The following FRAS1 variants were observed in gnomAD, a reference collection of about 807,000 sequenced individuals.
FRAS1 encodes the protein Fraser extracellular matrix complex subunit 1.
In FRAS1, 290 loss-of-function variants were observed where a neutral mutation model predicts 435.2. That is an observed-to-expected ratio of 0.67 (90% confidence interval 0.61 to 0.73). The LOEUF (loss-of-function observed/expected upper bound fraction) is 0.73. Ranked by LOEUF, FRAS1 falls within the 30% of genes least tolerant of loss-of-function variation. FRAS1 has a pLI of 0.00. For synonymous variants in FRAS1, 1,800 were observed against 1,851.0 expected (o/e 0.97, Z 0.71); for missense variants, 4,860 against 5,001.5 (o/e 0.97, Z 0.85).
chr4:78,263,340 G>C (rs1726203933), intron 6 of FRAS1, among the ~76,000 whole-genome samples: 1 of 152,058 alleles, frequency 6.6e-6, no homozygotes, highest in Non-Finnish European at 1.5e-5. Context: ...ATTCTGTTTT[G>C]ATCAATACAA....
chr4:78,512,158 A>G (rs1414000173), intron 64 of FRAS1, among the ~76,000 whole-genome samples: 2 of 152,172 alleles, frequency 1.3e-5, no homozygotes, highest in Non-Finnish European at 2.9e-5. Flanking sequence ...GGCCACCATG[A>G]TGGGAAATGG....
At chr4:78,183,790 G>A (rs1482874076) in intron 2 of FRAS1, among the ~76,000 whole-genome samples, 2 of 138,366 alleles carry the variant, frequency 1.4e-5, no homozygotes, top group African/African-American at 5.2e-5. Context: ...ATATATTATA[G>A]CCATACAGAG....
intron 20 of FRAS1, among the ~76,000 whole-genome samples, chr4:78,346,942 C>T (rs1730625498): frequency 1.3e-5 from 2 of 152,164 alleles, no homozygotes; most frequent in South Asian, 2.1e-4. Flanking sequence ...ATCTTCTTTC[C>T]TCCAGGGCCC....
chr4:78,145,995 A>G (rs763359864), intron 2 of FRAS1, among the ~76,000 whole-genome samples: 1 of 152,168 alleles, frequency 6.6e-6, no homozygotes, highest in Admixed American at 6.6e-5. Flanking sequence ...CTCCCCAGCC[A>G]TGCAGAACTG....
At chr4:78,171,986 A>G (rs1482295782) in intron 2 of FRAS1, among the ~76,000 whole-genome samples, 1 of 152,088 alleles carries the variant, frequency 6.6e-6, no homozygotes, top group African/African-American at 2.4e-5. Flanking sequence ...TTCTCAAGTC[A>G]AGAATAGCTT....
Position 78,057,557 on chromosome 4 carries a change from A to C in FRAS1, c.-453A>C, listed in dbSNP as rs981819892. The C allele has an allele frequency of 1.3e-5, 2 of 159,064 alleles. No homozygotes were observed. The highest frequency in any genetic ancestry group is 2.4e-5 in the African/African-American group (1 of 41,698). The allele number at this position is 159,064 out of a possible 1,614,324, so 9.9% of individuals were successfully genotyped here. A position where few individuals can be genotyped will look rare whatever the true frequency, so the allele number is the denominator to read the frequency against. ...CGCGGTGCCGACGCAACGCCGACGT[A>C]TGGTGCCAAGCGAACTTTAAAAAGC... On this transcript the variant is annotated 5_prime_UTR_variant, in exon 1 of 74. The change abolishes an upstream ATG in the 5' untranslated region. Coordinates refer to ENST00000512123, the MANE Select transcript of FRAS1 (RefSeq NM_025074.7). The surrounding 1 kb of genome is among the most constrained non-coding windows in gnomAD (Gnocchi z 4.2).
In FRAS1 at chr4:78,057,803, C is replaced by A; in HGVS notation, c.-207C>A. On this transcript the variant is annotated 5_prime_UTR_variant, in exon 1 of 74. Transcript: ENST00000512123. The surrounding 1 kb of genome is among the most constrained non-coding windows in gnomAD (Gnocchi z 4.2). Reference sequence around the variant, plus strand: ...CTCGGCGCGCTCTCTGCCTGAGCAGCGAGTGAATTGAACCCCAGCCCGCTC... The same window carrying A: ...CTCGGCGCGCTCTCTGCCTGAGCAGAGAGTGAATTGAACCCCAGCCCGCTC... 1.8e-6 allele frequency: 1 copy of A among 562,140 alleles called. No individual in the cohort carries two copies. Among genetic ancestry groups the A allele is most frequent in the Non-Finnish European group, 3.2e-6 (1 of 316,598 alleles). The allele number at this position is 562,140 out of a possible 1,614,324, so 34.8% of individuals were successfully genotyped here. A position where few individuals can be genotyped will look rare whatever the true frequency, so the allele number is the denominator to read the frequency against.
At chr4:78,394,632 A>C (rs1012512719) in intron 29 of FRAS1, among the ~76,000 whole-genome samples, 1 of 152,018 alleles carries the variant, frequency 6.6e-6, no homozygotes, top group Non-Finnish European at 1.5e-5. Flanking sequence ...ATTTGGAATT[A>C]GAAAGTGTGA....
intron 2 of FRAS1, among the ~76,000 whole-genome samples, chr4:78,092,450 G>A (rs747158184): frequency 1.3e-5 from 2 of 152,218 alleles, no homozygotes; most frequent in Non-Finnish European, 1.5e-5. Flanking sequence ...GTGGATGGCA[G>A]TAGGCAAAGA....
intron 31 of FRAS1, among the ~76,000 whole-genome samples, chr4:78,410,412 AAAAT>A (rs1420585237): frequency 8.0e-5 from 12 of 150,586 alleles, no homozygotes; most frequent in South Asian, 4.2e-4. Context: ...ATAAAAAATA[AAAAT>A]AAATAAATAA....
rs573458782 is a variant in FRAS1, at chr4:78,369,933, G to T, written c.2818G>T (p.Glu940Ter). The T allele has an allele frequency of 6.2e-7, 1 of 1,613,660 alleles. No homozygotes were observed. The highest frequency in any genetic ancestry group is 1.3e-5 in the African/African-American group (1 of 74,916). The part of the protein sequence containing the change: ...KVLLFGECQY[E>*]SCAPQYYLDF... ...TCTGCTCTTTGGGGAATGTCAATAC[G>T]AGAGCTGCGCCCCACAGTACTATCT... The change falls in exon 23 of 74, where the codon GAG (glutamate) becomes TAG (stop). Residue 940 changes from glutamate (E) to a stop codon, truncating the protein, a stop_gained. Transcript: ENST00000512123. LOFTEE classifies it high-confidence loss of function.
At chr4:78,127,432 C>T (rs1006655342) in intron 2 of FRAS1, among the ~76,000 whole-genome samples, 7 of 152,068 alleles carry the variant, frequency 4.6e-5, no homozygotes, top group African/African-American at 1.7e-4. Flanking sequence ...AGTGTTCTGG[C>T]CATAGCCTGG....
chr4:78,305,331 A>G (rs945084764), intron 14 of FRAS1, among the ~76,000 whole-genome samples: 1 of 151,560 alleles, frequency 6.6e-6, no homozygotes, highest in Admixed American at 6.6e-5. Flanking sequence ...AAAAGAATGT[A>G]TATTCTGTTG....
At chr4:78,324,805 A>C (rs1462561648) in intron 18 of FRAS1, among the ~76,000 whole-genome samples, 1 of 141,958 alleles carries the variant, frequency 7.0e-6, no homozygotes, top group East Asian at 2.0e-4. Context: ...CTCTGTCGCC[A>C]TTAAACAATT....
intron 2 of FRAS1, among the ~76,000 whole-genome samples, chr4:78,115,954 C>A (rs534672605): frequency 6.6e-6 from 1 of 152,220 alleles, no homozygotes; most frequent in South Asian, 2.1e-4. Flanking sequence ...CCTGCTTTCT[C>A]TTGTGGACAT....
chr4:78,221,049 T>C (rs1164517244), intron 2 of FRAS1, among the ~76,000 whole-genome samples: 2 of 152,046 alleles, frequency 1.3e-5, no homozygotes, highest in Admixed American at 6.5e-5. Context: ...GCACCTGTAG[T>C]CTCAGCTACT....
At chr4:78,213,251 G>A (rs762162444) in intron 2 of FRAS1, among the ~76,000 whole-genome samples, 11 of 152,210 alleles carry the variant, frequency 7.2e-5, no homozygotes, top group Non-Finnish European at 1.2e-4. Flanking sequence ...CATCCCTCAA[G>A]GTTGCATGAT....
chr4:78,298,978 A>G (rs1383715100), intron 14 of FRAS1, among the ~76,000 whole-genome samples: 2 of 152,220 alleles, frequency 1.3e-5, no homozygotes, highest in Non-Finnish European at 2.9e-5. Flanking sequence ...ACATAGAGAA[A>G]GGTTATCAGA....
In FRAS1 at chr4:78,542,752, T is replaced by TTGAA. The variant is rs1722098792; in HGVS notation, c.*1639_*1642dup. ...GTAACAAGCACTCCAGAAATGTTTG[T>TTGAA]TGAATGAATGAATGGTGTCATGGGT... On this transcript the variant is annotated 3_prime_UTR_variant, in exon 74 of 74. Transcript: ENST00000512123. The TTGAA allele has an allele frequency of 6.6e-6, 1 of 152,590 alleles. No individual in the cohort carries two copies. The highest frequency in any genetic ancestry group is 2.1e-4 in the South Asian group (1 of 4,830). The allele number at this position is 152,590 out of a possible 1,614,324, so 9.5% of individuals were successfully genotyped here. A position where few individuals can be genotyped will look rare whatever the true frequency, so the allele number is the denominator to read the frequency against.
Sources: gnomAD v4.1 joint callset for allele counts (sites outside exome capture counted in the v4.1 genomes callset) on GRCh38, gnomAD v4.1.1 for gene constraint, Gnocchi (gnomAD v3.1) non-coding constraint, MANE v1.5 for transcripts, NCBI Gene and HGNC (gene_info 2026-07-23, HGNC 2026-07-21) for gene names.